Variants in KIF24 observed in about 807,000 individuals in gnomAD.
KIF24 encodes kinesin-like protein KIF24.
A neutral mutation model predicts 118.9 loss-of-function variants in KIF24; 81 were observed. The ratio of observed to expected loss-of-function variants is 0.68; its 90% CI spans 0.57 to 0.82. The LOEUF (loss-of-function observed/expected upper bound fraction) is 0.82. KIF24 is among the 40% of genes least tolerant of loss of function. The probability of loss-of-function intolerance (pLI) is 0.00; values close to 1 mark genes in which losing one functional copy is unlikely to be tolerated. For synonymous variants in KIF24, 599 were observed against 610.0 expected (o/e 0.98, Z 0.27); for missense variants, 1,560 against 1,661.6 (o/e 0.94, Z 1.06).
intron 3 of KIF24, among the ~76,000 whole-genome samples, chr9:34,297,488 C>A (rs570925378): frequency 6.6e-6 from 1 of 152,102 alleles, no homozygotes; most frequent in African/African-American, 2.4e-5. Flanking sequence ...TGTGATCTGG[C>A]GCAGTGGCTC....
chr9:34,255,752 G>A lies in KIF24; in HGVS notation c.3855C>T (p.Pro1285=), dbSNP rs199774030. ...SPKTAGTLRQ[P]TLEQAQQVVI... ...CAACTTACTGCGCTTGCTCCAGGGT[G>A]GGCTGACGGAGTGTCCCTGCAGTCT... is the stretch of plus-strand genomic sequence containing the variant. The change falls in exon 11 of 13, where the codon CCC becomes CCT. Residue 1285 remains proline (P), a synonymous_variant. Coordinates refer to ENST00000402558, the MANE Select transcript of KIF24 (RefSeq NM_194313.4). 3.9e-5 allele frequency: 63 copies of A among 1,612,398 alleles called. No homozygotes were observed. The East Asian group carries it at 1.3e-3, about 33-fold the overall frequency.
At chr9:34,321,824 C>T (rs1188878035) in intron 1 of KIF24, among the ~76,000 whole-genome samples, 1 of 151,980 alleles carries the variant, frequency 6.6e-6, no homozygotes, top group East Asian at 1.9e-4. Context: ...CCAGGCTGGT[C>T]TGGAACTCCT....
At chr9:34,290,031 G>A (rs948827640) in intron 5 of KIF24, 143 bp downstream of exon 5, 3 of 542,966 alleles carry the variant, frequency 5.5e-6, no homozygotes, top group African/African-American at 1.9e-5. Flanking sequence ...TAGAAAATAT[G>A]TATCTGATGC....
At chr9:34,313,211 C>T (rs1837225309) in intron 1 of KIF24, among the ~76,000 whole-genome samples, 2 of 152,128 alleles carry the variant, frequency 1.3e-5, no homozygotes, top group African/African-American at 4.8e-5. Context: ...CAAAGCCAGA[C>T]ATGTGAAAGA....
chr9:34,332,985 TAGTCACATAGAATTGC>T (rs373007580), upstream of KIF24, among the ~76,000 whole-genome samples: 12 of 151,606 alleles, frequency 7.9e-5, no homozygotes, highest in East Asian at 3.9e-4. Flanking sequence ...GGTGAGGGAG[TAGTCACATAGAATTGC>T]AGTCACATAG....
chr9:34,318,503 G>A lies in KIF24; in HGVS notation c.-25-7132C>T, dbSNP rs145274793. On this transcript the variant is annotated intron_variant, in intron 1 of 12. Transcript: ENST00000402558. The surrounding 1 kb of genome is among the most constrained non-coding windows in gnomAD (Gnocchi z 4.9). The stretch of plus-strand genomic sequence containing the variant: ...AGCCACAGCAGCTCCTGGCACCGCA[G>A]AGAAGCTGAGCCCCAAGGCAGCCAC... 2.3e-6 allele frequency: 2 copies of A among 863,042 alleles called. No homozygotes were observed. The highest frequency in any genetic ancestry group is 3.8e-6 in the Non-Finnish European group (2 of 526,262). The allele number at this position is 863,042 out of a possible 1,614,324, so 53.5% of individuals were successfully genotyped here.
At chr9:34,327,846 A>AAAGT (rs1554668267) in intron 1 of KIF24, among the ~76,000 whole-genome samples, 4 of 149,592 alleles carry the variant, frequency 2.7e-5, no homozygotes, top group Non-Finnish European at 4.4e-5. Flanking sequence ...AATAAAAAAA[A>AAAGT]AATAATAATA....
chr9:34,254,172 G>A lies in KIF24; in HGVS notation c.*208C>T. 1 of 459,998 alleles carries A rather than the reference G, an allele frequency of 2.2e-6. No homozygotes were observed. Among genetic ancestry groups the A allele is most frequent in the Non-Finnish European group, 3.8e-6 (1 of 263,646 alleles). 28.5% of individuals were successfully genotyped at this position (459,998 alleles called of 1,614,324 possible). A position where few individuals can be genotyped will look rare whatever the true frequency, so the allele number is the denominator to read the frequency against. On this transcript the variant is annotated 3_prime_UTR_variant, in exon 13 of 13. Transcript: ENST00000402558. ...CTGGCCCACCCTTGGAGGCACTCCT[G>A]TGCATGGAACTGAGGGACAGGGGCC...
At chr9:34,293,636 C>T (rs897099563) in intron 4 of KIF24, among the ~76,000 whole-genome samples, 19 of 151,700 alleles carry the variant, frequency 1.3e-4, no homozygotes, top group Admixed American at 3.3e-4. Context: ...ATTAGCTGGG[C>T]GTGGTGGCGG....
chr9:34,295,368 T>C (rs1246092233), intron 4 of KIF24, among the ~76,000 whole-genome samples: 1 of 151,944 alleles, frequency 6.6e-6, no homozygotes, highest in East Asian at 1.9e-4. Context: ...TCACCATGCC[T>C]GGCTAATTAA....
intron 6 of KIF24, among the ~76,000 whole-genome samples, chr9:34,279,159 A>G (rs376969912): frequency 3.3e-5 from 5 of 152,168 alleles, no homozygotes; most frequent in Non-Finnish European, 5.9e-5. Context: ...CAGGGACTTA[A>G]TAAGAATAAT....
chr9:34,318,499 C>T lies in KIF24; in HGVS notation c.-25-7128G>A, dbSNP rs757473570. 21 of 850,582 alleles carry T rather than the reference C, an allele frequency of 2.5e-5. No individual in the cohort carries two copies. The highest frequency in any genetic ancestry group is 2.3e-4 in the East Asian group (9 of 39,132). 52.7% of individuals were successfully genotyped at this position (850,582 alleles called of 1,614,324 possible). On this transcript the variant is annotated intron_variant, in intron 1 of 12. Coordinates refer to ENST00000402558, the MANE Select transcript of KIF24 (RefSeq NM_194313.4). This position sits in a 1 kb window ranked among gnomAD's most constrained non-coding sequence, Gnocchi z 4.9. ...CTGCAGCCACAGCAGCTCCTGGCAC[C>T]GCAGAGAAGCTGAGCCCCAAGGCAG... is the stretch of plus-strand genomic sequence containing the variant.
At chr9:34,283,842 T>C (rs535116842) in intron 6 of KIF24, among the ~76,000 whole-genome samples, 2 of 152,198 alleles carry the variant, frequency 1.3e-5, no homozygotes, top group East Asian at 3.9e-4. Context: ...CACAATAAAA[T>C]ATAATTAAAC....
intron 1 of KIF24, among the ~76,000 whole-genome samples, chr9:34,311,834 A>G (rs1307367112): frequency 1.3e-5 from 2 of 151,648 alleles, no homozygotes; most frequent in African/African-American, 2.4e-5. Context: ...GAACACATAC[A>G]TAACACATAA....
Position 34,318,329 on chromosome 9 carries a change from A to AC in KIF24, c.-25-6959_-25-6958insG. 1 of 556,026 alleles carries AC rather than the reference A, an allele frequency of 1.8e-6. No individual in the cohort carries two copies. Among genetic ancestry groups the AC allele is most frequent in the Non-Finnish European group, 3.2e-6 (1 of 309,766 alleles). 34.4% of individuals were successfully genotyped at this position (556,026 alleles called of 1,614,324 possible). Reference sequence around the variant, plus strand: ...GAGACTCCCGTCTTGGAGCCAGCCCAGCCCAACCCAGCCCAACCCAGCTTG... The same window carrying AC: ...GAGACTCCCGTCTTGGAGCCAGCCCACGCCCAACCCAGCCCAACCCAGCTTG... On this transcript the variant is annotated intron_variant, in intron 1 of 12. Coordinates refer to ENST00000402558, the MANE Select transcript of KIF24 (RefSeq NM_194313.4). The surrounding 1 kb of genome is among the most constrained non-coding windows in gnomAD (Gnocchi z 4.9).
rs769201543 is a variant in KIF24 at position 34,256,787 on chromosome 9, G to C, written c.2820C>G (p.Tyr940Ter). 2 of 1,614,002 alleles carry C rather than the reference G, an allele frequency of 1.2e-6. No individual in the cohort carries two copies. Among genetic ancestry groups the C allele is most frequent in the South Asian group, 2.2e-5 (2 of 91,080 alleles). ...SPRDSLAEKPYCSQVDFIYRQ... is the reference protein window; with the variant it reads ...SPRDSLAEKP The stretch of plus-strand genomic sequence containing the variant: ...TATATATGAAATCTACCTGTGAACA[G>C]TATGGCTTCTCTGCCAGGCTGTCTC... Residue 940 changes from tyrosine to a stop codon, truncating the protein, a stop_gained, in exon 11 of 13, where the codon TAC (tyrosine) becomes TAG (stop). Coordinates refer to ENST00000402558, the MANE Select transcript of KIF24 (RefSeq NM_194313.4). LOFTEE classifies it high-confidence loss of function.
chr9:34,279,133 G>T (rs916885353), intron 6 of KIF24, among the ~76,000 whole-genome samples: 3 of 152,126 alleles, frequency 2.0e-5, no homozygotes, highest in African/African-American at 7.2e-5. Flanking sequence ...CTGTGGTGGT[G>T]CTGGGAAACA....
chr9:34,286,784 C>A, intron 5 of KIF24, 80 bp from the exon 6 acceptor site: 1 of 948,236 alleles, frequency 1.1e-6, no homozygotes. Flanking sequence ...ACCATTCCAC[C>A]ATTCCTCTAT....
At chr9:34,298,778 T>C (rs1434299008) in intron 3 of KIF24, among the ~76,000 whole-genome samples, 2 of 152,080 alleles carry the variant, frequency 1.3e-5, no homozygotes, top group Non-Finnish European at 2.9e-5. Context: ...AGTAATTCAG[T>C]GGTGAGGTAA....
Sources: gnomAD v4.1 joint callset for allele counts (sites outside exome capture counted in the v4.1 genomes callset) on GRCh38, gnomAD v4.1.1 for gene constraint, Gnocchi (gnomAD v3.1) non-coding constraint, MANE v1.5 for transcripts, NCBI Gene and HGNC (gene_info 2026-07-23, HGNC 2026-07-21) for gene names.